The following IMMP2L variants were observed in gnomAD, a reference collection of about 807,000 sequenced individuals.
IMMP2L encodes mitochondrial inner membrane protease subunit 2.
IMMP2L carries 18 observed loss-of-function variants against 19.3 expected under a neutral mutation model. That is an observed-to-expected ratio of 0.93 (90% confidence interval 0.64 to 1.38). The LOEUF is 1.38. IMMP2L is among the 40% of genes most tolerant of loss of function. The pLI is 0.00. For missense variants in IMMP2L, 233 were observed against 218.2 expected, an observed-to-expected ratio of 1.07 and a Z score of -0.43; for synonymous variants, 76 against 73.0, an observed-to-expected ratio of 1.04 and a Z score of -0.21.
At chr7:110,977,690 T>C (rs1820842418) in intron 3 of IMMP2L, among the ~76,000 whole-genome samples, 1 of 151,884 alleles carries the variant, frequency 6.6e-6, no homozygotes. Context: ...CCTCCCTCCT[T>C]TTCTTCCTTT....
chr7:111,487,068 C>A (rs1044442748), intron 3 of IMMP2L, among the ~76,000 whole-genome samples, 170 bp downstream of exon 3: 1 of 151,962 alleles, frequency 6.6e-6, no homozygotes, highest in South Asian at 2.1e-4. Context: ...GCAAAAAATT[C>A]TTTTTATAGC....
chr7:110,917,207 G>A (rs993813374), intron 4 of IMMP2L, among the ~76,000 whole-genome samples: 2 of 152,208 alleles, frequency 1.3e-5, no homozygotes, highest in Admixed American at 6.6e-5. Flanking sequence ...GAAGCTGGAG[G>A]AGGCAAGGAA....
intron 3 of IMMP2L, among the ~76,000 whole-genome samples, chr7:110,996,942 A>T (rs1354707923): frequency 6.6e-6 from 1 of 152,172 alleles, no homozygotes. Context: ...ATGCAATTTT[A>T]TTACAAGTGT....
intron 3 of IMMP2L, among the ~76,000 whole-genome samples, chr7:111,459,617 T>C (rs931140096): frequency 6.6e-6 from 1 of 152,170 alleles, no homozygotes; most frequent in African/African-American, 2.4e-5. Flanking sequence ...AAGTGGTATG[T>C]GATACTTCTA....
At chr7:111,431,275 G>A (rs1836603750) in intron 3 of IMMP2L, among the ~76,000 whole-genome samples, 1 of 151,724 alleles carries the variant, frequency 6.6e-6, no homozygotes, top group South Asian at 2.1e-4. Context: ...GCAACCTGTG[G>A]TACAATAATA....
rs547968506 is a variant in IMMP2L at position 111,490,383 on chromosome 7, G to A, written c.136-3042C>T. Among the ~76,000 whole-genome samples, 5 of 150,792 alleles carry A rather than the reference G, an allele frequency of 3.3e-5. No homozygotes were observed. The East Asian group carries it at 5.9e-4, about 18-fold the overall frequency. The stretch of plus-strand genomic sequence containing the variant: ...ATCCTCCTGCCTTATCAACCAAAGC[G>A]CTGAGATTACAGGTAGGAGCCACCA... On this transcript the variant is annotated intron_variant, in intron 2 of 5. Coordinates refer to ENST00000405709, the MANE Select transcript of IMMP2L (RefSeq NM_032549.4).
chr7:110,943,295 T>G (rs907775239), intron 4 of IMMP2L, among the ~76,000 whole-genome samples: 1 of 152,000 alleles, frequency 6.6e-6, no homozygotes, highest in Non-Finnish European at 1.5e-5. Flanking sequence ...TGGTACATGC[T>G]CATTCGATGT....
At chr7:110,934,181 T>A (rs2129552127) in intron 4 of IMMP2L, among the ~76,000 whole-genome samples, 1 of 152,330 alleles carries the variant, frequency 6.6e-6, no homozygotes, top group African/African-American at 2.4e-5. Context: ...AGTCCTAATT[T>A]GATTGTACTG....
chr7:111,020,703 A>G (rs564940892), intron 3 of IMMP2L, among the ~76,000 whole-genome samples: 4 of 152,262 alleles, frequency 2.6e-5, no homozygotes, highest in South Asian at 2.1e-4. Flanking sequence ...GCAAGGTTGT[A>G]GTGAGCTGAG....
intron 5 of IMMP2L, among the ~76,000 whole-genome samples, chr7:110,668,578 G>T (rs1791618662): frequency 6.6e-6 from 1 of 152,122 alleles, no homozygotes; most frequent in African/African-American, 2.4e-5. Flanking sequence ...TTTGGGCATA[G>T]TGATTCAATT....
At chr7:111,300,162 C>T (rs1822067265) in intron 3 of IMMP2L, among the ~76,000 whole-genome samples, 1 of 152,154 alleles carries the variant, frequency 6.6e-6, no homozygotes, top group Non-Finnish European at 1.5e-5. Context: ...ACAAGTATCA[C>T]ACACAACCTA....
At chr7:111,535,138 A>G (rs951541730) in intron 1 of IMMP2L, among the ~76,000 whole-genome samples, 3 of 152,140 alleles carry the variant, frequency 2.0e-5, no homozygotes, top group African/African-American at 7.2e-5. Context: ...TATTTTCTTT[A>G]TAAGCCCTAA....
At chr7:111,441,271 C>T (rs935191086) in intron 3 of IMMP2L, among the ~76,000 whole-genome samples, 5 of 151,946 alleles carry the variant, frequency 3.3e-5, no homozygotes, top group Non-Finnish European at 7.3e-5. Flanking sequence ...GCTTTCAACA[C>T]GCCCTCCTCA....
intron 3 of IMMP2L, among the ~76,000 whole-genome samples, chr7:111,473,640 C>T (rs981833622): frequency 6.6e-6 from 1 of 152,104 alleles, no homozygotes; most frequent in South Asian, 2.1e-4. Context: ...GAATAACTGA[C>T]AGTTGATAGT....
intron 3 of IMMP2L, among the ~76,000 whole-genome samples, chr7:111,396,886 C>G (rs1832925177): frequency 6.6e-6 from 1 of 151,940 alleles, no homozygotes; most frequent in African/African-American, 2.4e-5. Flanking sequence ...AGATTGAGAC[C>G]ATCCTGGCTA....
chr7:110,670,261 C>A (rs917501362), intron 5 of IMMP2L, among the ~76,000 whole-genome samples: 3 of 152,108 alleles, frequency 2.0e-5, no homozygotes, highest in African/African-American at 4.8e-5. Flanking sequence ...TAGAAAAAAA[C>A]CAAACATATA....
chr7:111,023,612 C>A (rs2129567341), intron 3 of IMMP2L, among the ~76,000 whole-genome samples: 1 of 151,778 alleles, frequency 6.6e-6, no homozygotes, highest in East Asian at 1.9e-4. Context: ...GAGGCTGAAG[C>A]AAGAGAATCA....
chr7:111,147,839 A>C lies in IMMP2L; in HGVS notation c.240-184274T>G, dbSNP rs192240802. On this transcript the variant is annotated intron_variant, in intron 3 of 5. Coordinates refer to ENST00000405709, the MANE Select transcript of IMMP2L (RefSeq NM_032549.4). ...TTTCAGAATTCCAAAAGTTAAACAA[A>C]TGCTTGCAATGTTCCAAGAAGAATT... is the stretch of plus-strand genomic sequence containing the variant. 2.4e-4 allele frequency among the ~76,000 whole-genome samples: 36 copies of C among 152,274 alleles called. No homozygotes were observed. The East Asian group carries it at 6.9e-3, about 29-fold the overall frequency.
intron 3 of IMMP2L, among the ~76,000 whole-genome samples, chr7:111,423,353 T>C (rs767785191): frequency 6.6e-6 from 1 of 151,904 alleles, no homozygotes. Context: ...CCTGGACTTT[T>C]TTTGTTTGGT....
Sources: allele counts gnomAD v4.1 joint callset (sites outside exome capture counted in the v4.1 genomes callset), GRCh38; gene constraint gnomAD v4.1.1; transcripts MANE v1.5; gene names NCBI Gene and HGNC (gene_info 2026-07-23, HGNC 2026-07-21).